The following SPTLC3 variants were observed in gnomAD, a reference collection of about 807,000 sequenced individuals.
SPTLC3 encodes the protein serine palmitoyltransferase long chain base subunit 3, also known as serine palmitoyltransferase 3.
A neutral mutation model predicts 59.3 loss-of-function variants in SPTLC3; 36 were observed. The ratio of observed to expected loss-of-function variants is 0.61; its 90% CI spans 0.47 to 0.80. The LOEUF is 0.80. Among genes scored for constraint, SPTLC3 ranks in the 30% least tolerant of loss-of-function variants. The pLI is 0.00. For missense variants in SPTLC3, 625 were observed against 685.1 expected, an observed-to-expected ratio of 0.91 and a Z score of 0.98; for synonymous variants, 257 against 240.8, an observed-to-expected ratio of 1.07 and a Z score of -0.62.
At chr20:13,136,969 GC>G in intron 9 of SPTLC3, among the ~76,000 whole-genome samples, 1 of 152,034 alleles carries the variant, frequency 6.6e-6, no homozygotes, top group Middle Eastern at 3.4e-3. Context: ...GGAAGAAAAA[GC>G]TTAACAAGCC....
intron 1 of SPTLC3, among the ~76,000 whole-genome samples, chr20:13,027,641 GCA>G (rs57913044): frequency 0.033 from 4,741 of 144,116 alleles, 131 homozygotes; most frequent in East Asian, 0.12. Flanking sequence ...ATTTCAGCAC[GCA>G]CACACACACA....
chr20:13,034,683 G>A (rs868193366), intron 1 of SPTLC3, among the ~76,000 whole-genome samples: 13 of 151,886 alleles, frequency 8.6e-5, no homozygotes, highest in African/African-American at 2.9e-4. Flanking sequence ...TTAACCCAAC[G>A]AGAAACTTTA....
chr20:13,095,514 A>G (rs1006179960), intron 6 of SPTLC3, among the ~76,000 whole-genome samples: 5 of 152,188 alleles, frequency 3.3e-5, no homozygotes, highest in African/African-American at 1.2e-4. Flanking sequence ...ATACATACAT[A>G]TATAAATGAC....
chr20:13,111,810 G>T (rs1990249131), intron 7 of SPTLC3, among the ~76,000 whole-genome samples: 1 of 152,196 alleles, frequency 6.6e-6, no homozygotes, highest in South Asian at 2.1e-4. Context: ...CTTGGCTCCA[G>T]TAAATGAAAG....
chr20:13,048,703 T>C (rs890323490), intron 1 of SPTLC3, among the ~76,000 whole-genome samples: 4 of 152,226 alleles, frequency 2.6e-5, no homozygotes, highest in African/African-American at 9.6e-5. Flanking sequence ...TGTTCCTCAT[T>C]AACTCTTCAC....
At chr20:13,057,871 A>G (rs1987791453) in intron 2 of SPTLC3, among the ~76,000 whole-genome samples, 1 of 152,242 alleles carries the variant, frequency 6.6e-6, no homozygotes, top group Non-Finnish European at 1.5e-5. Context: ...TGCAAAATCC[A>G]GAAGAGAATG....
intron 9 of SPTLC3, among the ~76,000 whole-genome samples, chr20:13,130,479 T>C (rs1409813788): frequency 6.6e-6 from 1 of 152,230 alleles, no homozygotes; most frequent in Non-Finnish European, 1.5e-5. Flanking sequence ...AGCCATACGC[T>C]TCAAAGAAAG....
At chr20:13,075,396 A>G (rs1349940336) in intron 4 of SPTLC3, among the ~76,000 whole-genome samples, 2 of 152,248 alleles carry the variant, frequency 1.3e-5, no homozygotes, top group African/African-American at 4.8e-5. Flanking sequence ...TTAATGAATT[A>G]TGAACCACAT....
intron 1 of SPTLC3, among the ~76,000 whole-genome samples, chr20:13,041,168 G>A (rs1600224637): frequency 6.6e-6 from 1 of 152,006 alleles, no homozygotes; most frequent in Admixed American, 6.5e-5. Flanking sequence ...TGAAATGTTT[G>A]TTCTGTTCCT....
chr20:13,073,880 A>T lies in SPTLC3; in HGVS notation c.459-469A>T, dbSNP rs140981874. The T allele has an allele frequency of 3.3e-5, 18 of 544,140 alleles. No individual in the cohort carries two copies. The African/African-American group carries it at 3.5e-4, about 11-fold the overall frequency. The allele number at this position is 544,140 out of a possible 1,614,324, so 33.7% of individuals were successfully genotyped here. ...TCCTTTTCTTTAATAAATTCTTTAT[A>T]GGACGGTCCTGTTTGTTGGTTCCCA... On this transcript the variant is annotated intron_variant, in intron 3 of 11. Coordinates refer to ENST00000399002, the MANE Select transcript of SPTLC3 (RefSeq NM_018327.4).
intron 1 of SPTLC3, among the ~76,000 whole-genome samples, chr20:13,016,419 T>C (rs1456416303): frequency 6.6e-6 from 1 of 152,206 alleles, no homozygotes; most frequent in Non-Finnish European, 1.5e-5. Context: ...CCTCATTGAA[T>C]TCTTATAGCA....
rs1014927012 is a variant in SPTLC3, at chr20:13,040,988, A to G, written c.118-7957A>G. ...ATTGGGGTTCATTTTTATGTGATCA[A>G]TTGTTTGGCTCTTGCTGCTTTTAAG... On this transcript the variant is annotated intron_variant, in intron 1 of 11. Transcript: ENST00000399002. Among the ~76,000 whole-genome samples, 6 of 152,114 alleles carry G rather than the reference A, an allele frequency of 3.9e-5. No individual in the cohort carries two copies. In the East Asian group the frequency reaches 5.8e-4, roughly 15 times the overall value.
chr20:13,057,742 C>T (rs1987787082), intron 2 of SPTLC3, among the ~76,000 whole-genome samples: 1 of 152,158 alleles, frequency 6.6e-6, no homozygotes, highest in African/African-American at 2.4e-5. Flanking sequence ...AAATGCGACT[C>T]TTTAGTTTTG....
intron 2 of SPTLC3, among the ~76,000 whole-genome samples, chr20:13,056,164 C>T (rs1987715181): frequency 6.6e-6 from 1 of 152,184 alleles, no homozygotes; most frequent in South Asian, 2.1e-4. Context: ...ACTGCTCGAA[C>T]CGCCCCACAG....
chr20:13,132,492 C>G (rs185593932), intron 9 of SPTLC3, among the ~76,000 whole-genome samples: 1 of 152,034 alleles, frequency 6.6e-6, no homozygotes, highest in African/African-American at 2.4e-5. Context: ...ATCTTTACAG[C>G]ATTTATGAAT....
chr20:13,057,424 A>G (rs553788160), intron 2 of SPTLC3, among the ~76,000 whole-genome samples: 3 of 152,232 alleles, frequency 2.0e-5, no homozygotes, highest in African/African-American at 7.2e-5. Context: ...TATTAATCCA[A>G]TTTCACTATT....
intron 1 of SPTLC3, among the ~76,000 whole-genome samples, chr20:13,034,347 A>G (rs187685767): frequency 3.9e-5 from 6 of 152,326 alleles, no homozygotes; most frequent in Admixed American, 2.0e-4. Context: ...CTGGGGACAC[A>G]GTGAGGAATA....
chr20:13,070,444 A>G (rs1006478187), intron 2 of SPTLC3, among the ~76,000 whole-genome samples: 2 of 152,168 alleles, frequency 1.3e-5, no homozygotes, highest in Admixed American at 1.3e-4. Flanking sequence ...ATATTCTGCA[A>G]TGAACCAGTG....
At chr20:13,040,398 C>T (rs1233689553) in intron 1 of SPTLC3, among the ~76,000 whole-genome samples, 1 of 151,644 alleles carries the variant, frequency 6.6e-6, no homozygotes, top group Non-Finnish European at 1.5e-5. Flanking sequence ...CTTGCTGTGT[C>T]TCCAGGCTGG....
Sources: gnomAD v4.1 joint callset for allele counts (sites outside exome capture counted in the v4.1 genomes callset) on GRCh38, gnomAD v4.1.1 for gene constraint, MANE v1.5 for transcripts, NCBI Gene and HGNC (gene_info 2026-07-23, HGNC 2026-07-21) for gene names.